AGGF1: variants seen among roughly 807,000 people sequenced by gnomAD.
AGGF1 encodes the protein angiogenic factor with G patch and FHA domains 1.
In AGGF1, 56 loss-of-function variants were observed where a neutral mutation model predicts 86.5. The observed-to-expected ratio is 0.65, with a 90% CI of 0.52 to 0.81. The LOEUF (loss-of-function observed/expected upper bound fraction) is 0.81. Ranked by LOEUF, AGGF1 falls within the 30% of genes least tolerant of loss-of-function variation. The probability of loss-of-function intolerance (pLI) is 0.00; values close to 1 mark genes in which losing one functional copy is unlikely to be tolerated. For synonymous variants in AGGF1, 313 were observed against 297.1 expected (o/e 1.05, Z -0.55); for missense variants, 816 against 850.9 (o/e 0.96, Z 0.51).
chr5:77,049,830 G>A (rs562288027), intron 8 of AGGF1, among the ~76,000 whole-genome samples: 1 of 152,226 alleles, frequency 6.6e-6, no homozygotes, highest in Non-Finnish European at 1.5e-5. Flanking sequence ...GATTACAGGC[G>A]TGAGCCACCG....
Position 77,055,499 on chromosome 5 carries a change from CT to C in AGGF1, c.1634-8del. 3 of 1,566,340 alleles carry C rather than the reference CT, an allele frequency of 1.9e-6. No homozygotes were observed. Among genetic ancestry groups the C allele is most frequent in the African/African-American group, 1.4e-5 (1 of 73,764 alleles). ...ATTTAGTGGCTTTTTTTTAACCAAA[CT>C]TTTTTTCTTTCAGTTGGTCCAACAC... On this transcript the variant is annotated splice_polypyrimidine_tract_variant and intron_variant, in intron 10 of 13. Coordinates refer to ENST00000312916, the MANE Select transcript of AGGF1 (RefSeq NM_018046.5).
intron 8 of AGGF1, among the ~76,000 whole-genome samples, chr5:77,051,126 G>A (rs1211775161): frequency 1.3e-5 from 2 of 148,798 alleles, no homozygotes; most frequent in African/African-American, 5.0e-5. Context: ...AAACCCAAAT[G>A]GCTAATAAAT....
chr5:77,049,104 A>G (rs1747325463), intron 8 of AGGF1, 117 bp downstream of exon 8: 10 of 905,356 alleles, frequency 1.1e-5, no homozygotes, highest in Non-Finnish European at 1.8e-5. Context: ...GCAGTGTAGT[A>G]ATGGTAATAA....
rs1442238747 is a variant in AGGF1 at position 77,034,512 on chromosome 5, C to T, written c.305C>T (p.Ser102Leu). ...CAAACAGAGAACCATGCTCCTTGGT[C>T]AATCTCAGGTATTTAGCTTATAGTG... ...EVQTENHAPW[S>L]ISDYFYQTYY... The change falls in exon 2 of 14, where the codon TCA (serine) becomes TTA (leucine). Residue 102 changes from serine (S) to leucine (L), a missense_variant. Ser to Leu is a moderately radical substitution (Grantham distance 145). Transcript: ENST00000312916. 1.9e-6 allele frequency: 3 copies of T among 1,604,834 alleles called. No individual in the cohort carries two copies. The Admixed American group carries it at 5.0e-5, about 27-fold the overall frequency.
intron 5 of AGGF1, among the ~76,000 whole-genome samples, chr5:77,040,483 A>C (rs186996471): frequency 6.6e-6 from 1 of 152,238 alleles, no homozygotes; most frequent in East Asian, 1.9e-4. Context: ...TATTAGGATT[A>C]ATAGTTTAAA....
chr5:77,039,994 T>G (rs1293433106), intron 5 of AGGF1, among the ~76,000 whole-genome samples: 1 of 152,162 alleles, frequency 6.6e-6, no homozygotes, highest in Admixed American at 6.5e-5. Flanking sequence ...CCTCAGTTGA[T>G]AAGTTGATGT....
intron 5 of AGGF1, among the ~76,000 whole-genome samples, chr5:77,043,967 A>G (rs1341799710): frequency 7.7e-6 from 1 of 130,146 alleles, no homozygotes; most frequent in Non-Finnish European, 1.6e-5. Flanking sequence ...GGCGCTCCCC[A>G]CATCTCAGAC....
chr5:77,055,540 A>T lies in AGGF1; in HGVS notation c.1660A>T (p.Lys554Ter). 1 of 1,605,044 alleles carries T rather than the reference A, an allele frequency of 6.2e-7. No individual in the cohort carries two copies. The highest frequency in any genetic ancestry group is 8.5e-7 in the Non-Finnish European group (1 of 1,172,744). ...TGGTCCAACACTAAGTAAGGAGGAAAAAGAGTTGGAAAGAAGAAAAGAATT... is the reference window on the plus strand; with the variant it reads ...TGGTCCAACACTAAGTAAGGAGGAATAAGAGTTGGAAAGAAGAAAAGAATT... ...FVGPTLSKEE[K>*]ELERRKELKK... The change falls in exon 11 of 14, where the codon AAA becomes TAA. Residue 554 changes from lysine (K) to a stop codon, truncating the protein, a stop_gained. Transcript: ENST00000312916. LOFTEE classifies it high-confidence loss of function.
In AGGF1 at chr5:77,043,577, C is replaced by T. The variant is rs527369238; in HGVS notation, c.871-2770C>T. Among the ~76,000 whole-genome samples the T allele has an allele frequency of 0.023, 2,242 of 95,420 alleles. 34 individuals carry two copies. The East Asian group carries it at 0.24, about 10-fold the overall frequency. The allele number at this position is 95,420 out of a possible 152,430, so 62.6% of individuals were successfully genotyped here. A position where few individuals can be genotyped will look rare whatever the true frequency, so the allele number is the denominator to read the frequency against. On this transcript the variant is annotated intron_variant, in intron 5 of 13. Transcript: ENST00000312916. ...CTCCCGGACGGCACGGCTGGCCAGGCGGGGGGCTGACCCCCCCCCCCCCGG... is the reference window on the plus strand; with the variant it reads ...CTCCCGGACGGCACGGCTGGCCAGGTGGGGGGCTGACCCCCCCCCCCCCGG...
Position 77,030,572 on chromosome 5 carries a change from C to A in AGGF1, c.-195C>A. 1 of 726,752 alleles carries A rather than the reference C, an allele frequency of 1.4e-6. No individual in the cohort carries two copies. The highest frequency in any genetic ancestry group is 2.4e-6 in the Non-Finnish European group (1 of 409,754). 45.0% of individuals were successfully genotyped at this position (726,752 alleles called of 1,614,324 possible). A position where few individuals can be genotyped will look rare whatever the true frequency, so the allele number is the denominator to read the frequency against. Reference sequence around the variant, plus strand: ...CATCGGGCAGGGGCCATCCTCGGTCCCCTTGCTCGTTGCTCGCAGCCCCGT... The same window carrying A: ...CATCGGGCAGGGGCCATCCTCGGTCACCTTGCTCGTTGCTCGCAGCCCCGT... On this transcript the variant is annotated 5_prime_UTR_variant, in exon 1 of 14. Coordinates refer to ENST00000312916, the MANE Select transcript of AGGF1 (RefSeq NM_018046.5).
intron 7 of AGGF1, among the ~76,000 whole-genome samples, chr5:77,048,546 T>G (rs1747313151): frequency 6.6e-6 from 1 of 152,014 alleles, no homozygotes; most frequent in Admixed American, 6.6e-5. Flanking sequence ...GAGACGGGGG[T>G]TTCACCATGT....
At position 77,035,313 on chromosome 5, in the gene AGGF1, T is replaced by C. The variant is rs574005300; in HGVS notation, c.314-228T>C. On this transcript the variant is annotated intron_variant, in intron 2 of 13. Transcript: ENST00000312916. ...ACCAACTTACCTTTTTTTTTTCTTT[T>C]TAACTGACAGCTAGGGTCTTGAAGG... 1.6e-4 allele frequency among the ~76,000 whole-genome samples: 24 copies of C among 152,302 alleles called. No individual in the cohort carries two copies. The South Asian group carries it at 4.3e-3, about 28-fold the overall frequency.
At chr5:77,046,267 A>C in intron 5 of AGGF1, 80 bp from the exon 6 acceptor site, 1 of 1,224,936 alleles carries the variant, frequency 8.2e-7, no homozygotes, top group Non-Finnish European at 1.2e-6. Flanking sequence ...GAATTCGTTG[A>C]AACTTGATGT....
In AGGF1 at chr5:77,039,040, A is replaced by C. The variant is rs558715415; in HGVS notation, c.682-491A>C. Among the ~76,000 whole-genome samples the C allele has an allele frequency of 3.9e-5, 6 of 152,284 alleles. No homozygotes were observed. The East Asian group carries it at 1.2e-3, about 29-fold the overall frequency. ...TTTCTTCTCTAATTTTAAGTTATGA[A>C]CATCAAAAGACAAATCTTTGTTTTA... On this transcript the variant is annotated intron_variant, in intron 4 of 13. Coordinates refer to ENST00000312916, the MANE Select transcript of AGGF1 (RefSeq NM_018046.5).
intron 10 of AGGF1, 60 bp downstream of exon 10, chr5:77,054,190 C>A (rs1307477759): frequency 2.5e-6 from 4 of 1,595,578 alleles, no homozygotes; most frequent in Non-Finnish European, 3.4e-6. Context: ...CCTAAATGTT[C>A]TAAAAAACAT....
rs2150736197 is a variant in AGGF1 at position 77,062,166 on chromosome 5, T to A, written c.1944+364T>A. ...GATTGTGTATGAGCTGAAAAATCTG[T>A]TTGGTTCAAGAATCAGAGCATGTAA... On this transcript the variant is annotated intron_variant, in intron 13 of 13. Coordinates refer to ENST00000312916, the MANE Select transcript of AGGF1 (RefSeq NM_018046.5). Among the ~76,000 whole-genome samples, 2 of 152,312 alleles carry A rather than the reference T, an allele frequency of 1.3e-5. 1 individual carries two copies. Among genetic ancestry groups the A allele is most frequent in the Middle Eastern group, 6.8e-3 (2 of 294 alleles).
At chr5:77,040,118 T>G in intron 5 of AGGF1, among the ~76,000 whole-genome samples, 1 of 151,934 alleles carries the variant, frequency 6.6e-6, no homozygotes, top group Non-Finnish European at 1.5e-5. Flanking sequence ...ATTTTTTTTT[T>G]TTTTTTTGAG....
chr5:77,053,103 C>T (rs958105801), intron 9 of AGGF1, among the ~76,000 whole-genome samples: 1 of 152,110 alleles, frequency 6.6e-6, no homozygotes. Context: ...AAGGTCGTCC[C>T]TTTTTTTATT....
chr5:77,042,464 G>T (rs1263602701), intron 5 of AGGF1, among the ~76,000 whole-genome samples: 1 of 84,518 alleles, frequency 1.2e-5, no homozygotes, highest in Admixed American at 1.2e-4. Flanking sequence ...CCTCCCTCCC[G>T]GACGGGGCGG....
Sources: allele counts gnomAD v4.1 joint callset (sites outside exome capture counted in the v4.1 genomes callset), GRCh38; gene constraint gnomAD v4.1.1; transcripts MANE v1.5; gene names NCBI Gene and HGNC (gene_info 2026-07-23, HGNC 2026-07-21).